Variants in CS observed in about 807,000 individuals in gnomAD.
CS encodes citrate synthase, mitochondrial.
A neutral mutation model predicts 61.4 loss-of-function variants in CS; 13 were observed. The ratio of observed to expected loss-of-function variants is 0.21; its 90% confidence interval spans 0.14 to 0.34. CS has a LOEUF of 0.34. CS is among the 10% of genes least tolerant of loss of function. CS has a pLI of 1.00. For missense variants in CS, 278 were observed against 573.4 expected (o/e 0.48, Z 5.26); for synonymous variants, 159 against 215.2 (o/e 0.74, Z 2.29).
In CS at chr12:56,283,836, T is replaced by C. The variant is rs1565621410; in HGVS notation, c.223A>G (p.Met75Val). 1 of 1,612,540 alleles carries C rather than the reference T, an allele frequency of 6.2e-7. No homozygotes were observed. Among genetic ancestry groups the C allele is most frequent in the Non-Finnish European group, 8.5e-7 (1 of 1,179,120 alleles). ...GATGTTTCATAGACCAATCCCTTCA[T>C]GCCTCTCATGCCACCATACATCTAA... ...VDMMYGGMRG[M>V]KGLVYETSVL... The change falls in exon 4 of 11, where the codon ATG becomes GTG. Residue 75 changes from methionine (M) to valine (V), a missense_variant. Coordinates refer to ENST00000351328, the MANE Select transcript of CS (RefSeq NM_004077.3).
rs1872801338 is a variant in CS at position 56,282,416 on chromosome 12, C to T, written c.588+4G>A. 1.3e-6 allele frequency: 2 copies of T among 1,578,018 alleles called. No individual in the cohort carries two copies. Among genetic ancestry groups the T allele is most frequent in the East Asian group, 4.6e-5 (2 of 43,956 alleles). On this transcript the variant is annotated splice_donor_region_variant and intron_variant, in intron 6 of 10. Coordinates refer to ENST00000351328, the MANE Select transcript of CS (RefSeq NM_004077.3). ...ACACCGATCACCCCACCCAAATTTCCTACCTCCCAGTACTTGGTTCGGCTG... is the reference window on the plus strand; with the variant it reads ...ACACCGATCACCCCACCCAAATTTCTTACCTCCCAGTACTTGGTTCGGCTG...
intron 3 of CS, among the ~76,000 whole-genome samples, chr12:56,285,517 G>A (rs1165150617): frequency 6.6e-6 from 1 of 152,072 alleles, no homozygotes; most frequent in African/African-American, 2.4e-5. Context: ...TTAACTCCTG[G>A]CCTCAAGTGA....
chr12:56,291,213 C>T (rs1873114362), intron 1 of CS: 2 of 1,180,782 alleles, frequency 1.7e-6, no homozygotes, highest in Non-Finnish European at 2.1e-6. Context: ...GTTGGCCTAT[C>T]ACCTACCATC....
intron 9 of CS, 48 bp downstream of exon 9, chr12:56,274,729 G>T: frequency 7.2e-7 from 1 of 1,389,170 alleles, no homozygotes; most frequent in South Asian, 1.4e-5. Context: ...CCAAATTGCA[G>T]AACTTGTGTC....
At chr12:56,290,986 A>T (rs1873103787) in intron 1 of CS, among the ~76,000 whole-genome samples, 1 of 152,224 alleles carries the variant, frequency 6.6e-6, no homozygotes, top group Non-Finnish European at 1.5e-5. Context: ...GTTACCAAGG[A>T]CCAAGTCCTA....
intron 1 of CS, among the ~76,000 whole-genome samples, chr12:56,296,438 C>A (rs1452257491): frequency 6.6e-6 from 1 of 151,636 alleles, no homozygotes; most frequent in Non-Finnish European, 1.5e-5. Flanking sequence ...CCCCACCCCC[C>A]AAAAAAAACC....
chr12:56,278,876 C>T (rs1030566770), intron 6 of CS, among the ~76,000 whole-genome samples: 2 of 152,104 alleles, frequency 1.3e-5, no homozygotes, highest in Admixed American at 6.5e-5. Flanking sequence ...TAGGTTCAAG[C>T]GATTCTCCCA....
At chr12:56,294,423 G>C (rs1359202409) in intron 1 of CS, among the ~76,000 whole-genome samples, 4 of 137,000 alleles carry the variant, frequency 2.9e-5, no homozygotes, top group African/African-American at 8.4e-5. Context: ...GCAGTGAGCC[G>C]AGATCATGCC....
intron 6 of CS, among the ~76,000 whole-genome samples, chr12:56,281,277 G>A (rs1872769891): frequency 6.6e-6 from 1 of 152,194 alleles, no homozygotes; most frequent in African/African-American, 2.4e-5. Flanking sequence ...TGAGTTTGTG[G>A]GGTACTAGAA....
intron 6 of CS, among the ~76,000 whole-genome samples, chr12:56,277,630 C>CTTT (rs1303018748): frequency 3.0e-5 from 4 of 135,454 alleles, no homozygotes; most frequent in Non-Finnish European, 4.8e-5. Flanking sequence ...GACTTCCATT[C>CTTT]TTTTTTTTTT....
chr12:56,295,508 G>A (rs1263269374), intron 1 of CS, among the ~76,000 whole-genome samples: 12 of 150,998 alleles, frequency 7.9e-5, no homozygotes, highest in Admixed American at 4.6e-4. Flanking sequence ...GTGACAGAGC[G>A]AGACTCCATC....
At chr12:56,294,009 G>A (rs1276696266) in intron 1 of CS, among the ~76,000 whole-genome samples, 2 of 152,208 alleles carry the variant, frequency 1.3e-5, no homozygotes, top group African/African-American at 2.4e-5. Flanking sequence ...GCCATTTAAT[G>A]TGTGTGTTTC....
intron 4 of CS, 47 bp from the exon 5 acceptor site, chr12:56,283,038 A>G (rs1185540772): frequency 1.2e-6 from 2 of 1,607,938 alleles, no homozygotes; most frequent in Non-Finnish European, 1.7e-6. Context: ...ATAGCCTAGA[A>G]GTCACACGAC....
intron 1 of CS, among the ~76,000 whole-genome samples, chr12:56,295,951 C>CAAAAAAAAAAAAAAAA (rs71081343): frequency 4.9e-5 from 2 of 40,480 alleles, no homozygotes; most frequent in Non-Finnish European, 7.7e-5. Flanking sequence ...GAAACTGTCT[C>CAAAAAAAAAAAAAAAA]AAAAAAAAAA....
Position 56,276,001 on chromosome 12 carries a change from G to T in CS, c.783C>A (p.Ile261=). ...GGTTGCTGGGTCTAGCTTACCTGTG[G>T]ATGGTGAGGTACAGGCGCGTGAGCT... ...FTELTRLYLT[I]HSDHEGGNVS... Residue 261 remains isoleucine (I), a synonymous_variant, in exon 7 of 11, where the codon ATC becomes ATA. Transcript: ENST00000351328. 6.2e-7 allele frequency: 1 copy of T among 1,614,106 alleles called. No homozygotes were observed. The highest frequency in any genetic ancestry group is 8.5e-7 in the Non-Finnish European group (1 of 1,179,992).
intron 4 of CS, 110 bp from the exon 5 acceptor site, chr12:56,283,101 ATTAT>A: frequency 1.6e-6 from 2 of 1,247,570 alleles, no homozygotes; most frequent in Non-Finnish European, 2.3e-6. Context: ...TTTTATGTTA[ATTAT>A]TATTTCTGTA....
Position 56,275,110 on chromosome 12 carries a change from T to C in CS, c.810A>G (p.Val270=), listed in dbSNP as rs776897914. 2 of 1,614,186 alleles carry C rather than the reference T, an allele frequency of 1.2e-6. No individual in the cohort carries two copies. Among genetic ancestry groups the C allele is most frequent in the South Asian group, 2.2e-5 (2 of 91,090 alleles). Residue 270 remains valine, a synonymous_variant, in exon 8 of 11, where the codon GTA becomes GTG. Coordinates refer to ENST00000351328, the MANE Select transcript of CS (RefSeq NM_004077.3). ...TIHSDHEGGN[V]SAHTSHLVGS... is the part of the protein sequence containing the mutation. Reference sequence around the variant, plus strand: ...CCACCAAATGGCTGGTATGGGCACTTACATTGCCACCCTCATGGTCACTGT... The same window carrying C: ...CCACCAAATGGCTGGTATGGGCACTCACATTGCCACCCTCATGGTCACTGT...
At chr12:56,282,824 G>A (rs759296710) in intron 5 of CS, 36 bp downstream of exon 5, 1 of 1,610,982 alleles carries the variant, frequency 6.2e-7, no homozygotes, top group East Asian at 2.2e-5. Context: ...ATGAAGAAGG[G>A]GAATGAGAAG....
chr12:56,296,716 ATTC>A (rs1317523766), intron 1 of CS, among the ~76,000 whole-genome samples: 1 of 152,040 alleles, frequency 6.6e-6, no homozygotes. Context: ...CTACCATACT[ATTC>A]TTGCTGCCTC....
Sources: allele counts gnomAD v4.1 joint callset (sites outside exome capture counted in the v4.1 genomes callset), GRCh38; gene constraint gnomAD v4.1.1; transcripts MANE v1.5; gene names NCBI Gene and HGNC (gene_info 2026-07-23, HGNC 2026-07-21).